DOCK9: variants seen among roughly 807,000 people sequenced by gnomAD.
DOCK9 encodes dedicator of cytokinesis protein 9.
DOCK9 carries 89 observed loss-of-function variants against 263.3 expected under a neutral mutation model. The observed-to-expected ratio is 0.34, with a 90% CI of 0.28 to 0.40. The LOEUF (loss-of-function observed/expected upper bound fraction) is 0.40. Ranked by LOEUF, DOCK9 falls within the 10% of genes least tolerant of loss-of-function variation. The pLI is 1.00. For synonymous variants in DOCK9, 976 were observed against 973.1 expected (o/e 1.00, Z -0.06); for missense variants, 2,140 against 2,603.4 (o/e 0.82, Z 3.87).
At chr13:99,032,227 T>C (rs1004539316) in intron 1 of DOCK9, among the ~76,000 whole-genome samples, 1 of 152,140 alleles carries the variant, frequency 6.6e-6, no homozygotes, top group Non-Finnish European at 1.5e-5. Flanking sequence ...TCCTAGCACT[T>C]TGGGAGGCCT....
At chr13:99,078,913 TC>T (rs1042194132) in intron 1 of DOCK9, among the ~76,000 whole-genome samples, 14 of 152,190 alleles carry the variant, frequency 9.2e-5, no homozygotes, top group African/African-American at 3.4e-4. Context: ...GAACTTCCCA[TC>T]ACCCCACATC....
Position 98,915,422 on chromosome 13 carries a change from C to G in DOCK9, c.799G>C (p.Glu267Gln), listed in dbSNP as rs1315088574. The G allele has an allele frequency of 4.3e-6, 7 of 1,613,866 alleles. No individual in the cohort carries two copies. ...SYLLAADSEV[E>Q]MEEWITILNK... ...AGAATTGTGATCCATTCTTCCATTT[C>G]CACTTCACTGTCTGCTGCCAAGAGA... Residue 267 changes from glutamate (E) to glutamine (Q), a missense_variant, in exon 8 of 53, where the codon GAA (glutamate) becomes CAA (glutamine). Coordinates refer to ENST00000682017, the MANE Select transcript of DOCK9 (RefSeq NM_001366683.2).
Position 98,915,368 on chromosome 13 carries a change from C to T in DOCK9, c.853G>A (p.Ala285Thr), listed in dbSNP as rs770629242. The T allele has an allele frequency of 1.2e-6, 2 of 1,613,764 alleles. No individual in the cohort carries two copies. The highest frequency in any genetic ancestry group is 1.1e-5 in the South Asian group (1 of 91,054). ...CCATTTCGCTTTTCTTGCATTGCAG[C>T]TTCAAAGTTGAGCTGGAGGATCTTA... Reference protein sequence around the residue: ...LNKILQLNFEAAMQEKRNGDS... With the variant: ...LNKILQLNFETAMQEKRNGDS... Residue 285 changes from alanine to threonine, a missense_variant, in exon 8 of 53, where the codon GCT becomes ACT. Ala to Thr is a moderately conservative substitution (Grantham distance 58, BLOSUM62 0). Around this residue, in one of 2 missense-constraint regions of DOCK9, gnomAD observed 1,521 missense variants for 1,741.7 expected, o/e 0.87. Transcript: ENST00000682017.
intron 1 of DOCK9, among the ~76,000 whole-genome samples, chr13:99,080,234 T>C (rs77476844): frequency 0.016 from 2,400 of 151,544 alleles, 64 homozygotes; most frequent in African/African-American, 0.054. Flanking sequence ...CATATCCGAC[T>C]ACTGCTCTCA....
chr13:98,838,833 G>A (rs2093106755), intron 38 of DOCK9, among the ~76,000 whole-genome samples: 1 of 152,152 alleles, frequency 6.6e-6, no homozygotes, highest in South Asian at 2.1e-4. Flanking sequence ...CCAGAGAGGA[G>A]GACATTTTGT....
intron 1 of DOCK9, among the ~76,000 whole-genome samples, chr13:99,037,918 T>C (rs2142104341): frequency 6.6e-6 from 1 of 152,258 alleles, no homozygotes; most frequent in South Asian, 2.1e-4. Flanking sequence ...AACAGATCTG[T>C]GTTAGATTAC....
At chr13:98,880,764 G>A (rs1322538344) in intron 25 of DOCK9, 92 bp from the exon 26 acceptor site, 1 of 1,474,076 alleles carries the variant, frequency 6.8e-7, no homozygotes. Context: ...ATCAGGGACT[G>A]AGCTACAATA....
intron 52 of DOCK9, chr13:98,796,185 A>G (rs761725737): frequency 2.6e-6 from 4 of 1,560,670 alleles, no homozygotes; most frequent in Admixed American, 3.6e-5. Context: ...TCAGAAAAAT[A>G]ATGTTTAAAA....
rs551555489 is a variant in DOCK9 at position 98,873,427 on chromosome 13, T to C, written c.2944-5050A>G. 5.9e-5 allele frequency among the ~76,000 whole-genome samples: 9 copies of C among 152,360 alleles called. No individual in the cohort carries two copies. In the South Asian group the frequency reaches 1.5e-3, roughly 25 times the overall value. ...CAATGGCTGGTGACTTCCCAGTATC[T>C]GTTCTCTCTTCCCTCTCATGGTAAT... is the stretch of plus-strand genomic sequence containing the variant. On this transcript the variant is annotated intron_variant, in intron 27 of 52. Coordinates refer to ENST00000682017, the MANE Select transcript of DOCK9 (RefSeq NM_001366683.2).
intron 35 of DOCK9, among the ~76,000 whole-genome samples, chr13:98,852,950 T>A (rs968227413): frequency 6.6e-6 from 1 of 152,224 alleles, no homozygotes; most frequent in African/African-American, 2.4e-5. Context: ...GAGCCAGGAA[T>A]ATACACACTC....
At chr13:98,847,686 T>C (rs954266514) in intron 37 of DOCK9, 13 of 152,310 alleles carry the variant, frequency 8.5e-5, no homozygotes, top group African/African-American at 3.1e-4. Flanking sequence ...TAAGACAAAA[T>C]TGTCGATATA....
At chr13:98,886,657 G>A in intron 18 of DOCK9, 33 bp from the exon 19 acceptor site, 5 of 1,579,548 alleles carry the variant, frequency 3.2e-6, no homozygotes, top group Non-Finnish European at 4.3e-6. Flanking sequence ...GAAACATCAC[G>A]GTTCGATTAA....
At chr13:98,845,331 T>C (rs1343681398) in intron 38 of DOCK9, 1 of 1,361,490 alleles carries the variant, frequency 7.3e-7, no homozygotes, top group African/African-American at 1.5e-5. Context: ...AATCTTACCA[T>C]TGTCTACAGA....
chr13:99,068,244 C>T (rs571335481), intron 1 of DOCK9, among the ~76,000 whole-genome samples: 9 of 152,298 alleles, frequency 5.9e-5, no homozygotes, highest in South Asian at 2.1e-4. Flanking sequence ...CAGGAATCTC[C>T]GCCTCTCTGA....
At chr13:98,849,925 T>G in intron 36 of DOCK9, 122 bp downstream of exon 36, 1 of 706,730 alleles carries the variant, frequency 1.4e-6, no homozygotes, top group Non-Finnish European at 2.4e-6. Flanking sequence ...GAGAAAGGGC[T>G]TAAGGAGTAA....
At chr13:98,867,381 T>C (rs2094058658) in intron 30 of DOCK9, 44 bp downstream of exon 30, 1 of 1,037,140 alleles carries the variant, frequency 9.6e-7, no homozygotes, top group Non-Finnish European at 1.5e-6. Flanking sequence ...TGAAAATAAA[T>C]GTCTCTGTTT....
chr13:98,973,176 G>A (rs1200326838), intron 1 of DOCK9, among the ~76,000 whole-genome samples: 1 of 152,014 alleles, frequency 6.6e-6, no homozygotes, highest in Admixed American at 6.5e-5. Flanking sequence ...TTGTCTCTAA[G>A]GGTGCAGGAA....
chr13:98,877,588 T>C (rs1019965986), intron 27 of DOCK9, among the ~76,000 whole-genome samples: 7 of 152,244 alleles, frequency 4.6e-5, no homozygotes, highest in Admixed American at 1.3e-4. Flanking sequence ...CTTCTTCACC[T>C]AGCCAACTCC....
At chr13:99,082,533 T>TAATAAATAAATA (rs377382167) in intron 1 of DOCK9, among the ~76,000 whole-genome samples, 46 of 101,570 alleles carry the variant, frequency 4.5e-4, no homozygotes, top group African/African-American at 8.2e-4. Flanking sequence ...AAAATAATAA[T>TAATAAATAAATA]AATAAATAAA....
Sources: gnomAD v4.1 joint callset for allele counts (sites outside exome capture counted in the v4.1 genomes callset) on GRCh38, gnomAD v4.1.1 for gene constraint, gnomAD v4.1.1 regional missense constraint, MANE v1.5 for transcripts, NCBI Gene and HGNC (gene_info 2026-07-23, HGNC 2026-07-21) for gene names.